ELN: variants seen among roughly 807,000 people sequenced by gnomAD.
ELN encodes the protein elastin, also known as tropoelastin.
Under a neutral mutation model 105.8 loss-of-function variants are expected in ELN, and 65 were observed. The observed-to-expected ratio is 0.61, with a 90% CI of 0.50 to 0.75. ELN has a LOEUF of 0.75. ELN is among the 30% of genes least tolerant of loss of function. The pLI, the probability that ELN is intolerant of heterozygous loss-of-function variation, is 0.00. For synonymous variants in ELN, 368 were observed against 389.2 expected (o/e 0.95, Z 0.64); for missense variants, 882 against 969.4 (o/e 0.91, Z 1.20).
chr7:74,056,923 C>G (rs782421536), intron 21 of ELN, among the ~76,000 whole-genome samples: 37 of 151,480 alleles, frequency 2.4e-4, no homozygotes, highest in Non-Finnish European at 4.3e-4. Context: ...TGGCTCATCA[C>G]CCCACCCCCC....
Position 74,028,358 on chromosome 7 carries a change from G to A in ELN, c.82+89G>A, listed in dbSNP as rs554432246. On this transcript the variant is annotated intron_variant, in intron 1 of 32. Transcript: ENST00000252034. Reference sequence around the variant, plus strand: ...CTAGACGCTCAAGGGGGAGACCTTCGTCCCTGGGAACTGCAAGGGGTCCCA... The same window carrying A: ...CTAGACGCTCAAGGGGGAGACCTTCATCCCTGGGAACTGCAAGGGGTCCCA... 51 of 1,457,672 alleles carry A rather than the reference G, an allele frequency of 3.5e-5. No homozygotes were observed. The African/African-American group carries it at 5.7e-4, about 16-fold the overall frequency. The allele number at this position is 1,457,672 out of a possible 1,614,324, so 90.3% of individuals were successfully genotyped here.
intron 22 of ELN, among the ~76,000 whole-genome samples, 156 bp downstream of exon 22, chr7:74,057,852 G>A (rs1554681349): frequency 6.6e-6 from 1 of 152,138 alleles, no homozygotes; most frequent in Non-Finnish European, 1.5e-5. Context: ...GCCCACTGAT[G>A]AATGACCTCT....
At chr7:74,049,963 T>C (rs1583837736) in intron 15 of ELN, among the ~76,000 whole-genome samples, 1 of 140,790 alleles carries the variant, frequency 7.1e-6, no homozygotes, top group Admixed American at 7.1e-5. Context: ...CCATCGATTC[T>C]TCCATCCATC....
At chr7:74,067,933 C>CAAAA (rs782107951) in intron 32 of ELN, among the ~76,000 whole-genome samples, 300 of 19,882 alleles carry the variant, frequency 0.015, 25 homozygotes, top group African/African-American at 0.037. Context: ...GATTGCGTCT[C>CAAAA]AAAAAAAAAA....
At chr7:74,037,254 C>T (rs189828056) in intron 3 of ELN, among the ~76,000 whole-genome samples, 10 of 151,456 alleles carry the variant, frequency 6.6e-5, no homozygotes, top group Admixed American at 1.3e-4. Flanking sequence ...AGTGCAGTGG[C>T]GCGATCTCAG....
rs1241961440 is a variant in ELN, at chr7:74,066,566, C to CA, written c.2087-159dup. Among the ~76,000 whole-genome samples, 4 of 151,692 alleles carry CA rather than the reference C, an allele frequency of 2.6e-5. No individual in the cohort carries two copies. In the East Asian group the frequency reaches 5.8e-4, roughly 22 times the overall value. On this transcript the variant is annotated intron_variant, in intron 31 of 32. Transcript: ENST00000252034. ...TGGGTGACAGAGCAAGACCCCATCT[C>CA]AAAAAAATAATAATAAAATAAAATA...
chr7:74,051,470 C>T (rs1794012540), intron 15 of ELN, among the ~76,000 whole-genome samples: 1 of 152,178 alleles, frequency 6.6e-6, no homozygotes, highest in Admixed American at 6.5e-5. Flanking sequence ...GCCCAGGGAG[C>T]GGCCACTTGT....
At chr7:74,053,699 G>A (rs1794622120) in intron 18 of ELN, among the ~76,000 whole-genome samples, 1 of 151,618 alleles carries the variant, frequency 6.6e-6, no homozygotes. Flanking sequence ...TAGATGGGTG[G>A]GTGGATGGAT....
chr7:74,046,351 G>T (rs1326573126), intron 11 of ELN, 134 bp downstream of exon 11: 5 of 1,305,408 alleles, frequency 3.8e-6, no homozygotes, highest in Non-Finnish European at 5.4e-6. Flanking sequence ...GTCTTGCAGT[G>T]GCTGTAGCAC....
intron 4 of ELN, among the ~76,000 whole-genome samples, chr7:74,039,173 A>G (rs782277485): frequency 3.0e-4 from 46 of 152,360 alleles, no homozygotes; most frequent in Non-Finnish European, 5.7e-4. Flanking sequence ...ACCAGAGGAA[A>G]GACAGACAAC....
At chr7:74,066,695 C>G in intron 31 of ELN, 37 bp from the exon 32 acceptor site, 2 of 1,612,618 alleles carry the variant, frequency 1.2e-6, no homozygotes, top group Non-Finnish European at 1.7e-6. Flanking sequence ...TCAGTTTCCA[C>G]CCCTACCAAC....
At chr7:74,051,089 G>T (rs1793925008) in intron 15 of ELN, among the ~76,000 whole-genome samples, 1 of 152,212 alleles carries the variant, frequency 6.6e-6, no homozygotes, top group Non-Finnish European at 1.5e-5. Context: ...CCCGTGCAGT[G>T]GGTGGAGTGG....
At chr7:74,033,384 A>G (rs1245879040) in intron 1 of ELN, among the ~76,000 whole-genome samples, 1 of 152,262 alleles carries the variant, frequency 6.6e-6, no homozygotes, top group Non-Finnish European at 1.5e-5. Context: ...AGAAAGACGC[A>G]TAAGAGACTG....
intron 1 of ELN, among the ~76,000 whole-genome samples, chr7:74,030,330 G>A (rs939358254): frequency 6.6e-6 from 1 of 152,160 alleles, no homozygotes; most frequent in African/African-American, 2.4e-5. Flanking sequence ...GCGGCTCCAA[G>A]GAAGGAACCC....
intron 22 of ELN, among the ~76,000 whole-genome samples, chr7:74,058,039 C>T (rs1795709599): frequency 6.6e-6 from 1 of 151,792 alleles, no homozygotes; most frequent in Non-Finnish European, 1.5e-5. Context: ...TCTCCTTCTT[C>T]TTCTTGTGCT....
intron 10 of ELN, 138 bp downstream of exon 10, chr7:74,045,431 C>T: frequency 1.0e-6 from 1 of 967,792 alleles, no homozygotes; most frequent in South Asian, 1.4e-5. Context: ...CCCTGGGCAG[C>T]CTGGTGCTGA....
chr7:74,058,419 A>G (rs1583938103), intron 22 of ELN, among the ~76,000 whole-genome samples: 1 of 151,682 alleles, frequency 6.6e-6, no homozygotes, highest in Non-Finnish European at 1.5e-5. Flanking sequence ...CAGTGCCACA[A>G]TCATAGCTCA....
At chr7:74,055,723 A>G (rs1795084812) in intron 19 of ELN, among the ~76,000 whole-genome samples, 1 of 151,676 alleles carries the variant, frequency 6.6e-6, no homozygotes, top group Non-Finnish European at 1.5e-5. Context: ...CAAATGATCC[A>G]CCTGCCTCGT....
chr7:74,064,820 G>T (rs544395611), intron 29 of ELN, among the ~76,000 whole-genome samples: 1 of 152,296 alleles, frequency 6.6e-6, no homozygotes, highest in South Asian at 2.1e-4. Flanking sequence ...TCTCCACCAT[G>T]GTGGCCGACC....
Sources: allele counts gnomAD v4.1 joint callset (sites outside exome capture counted in the v4.1 genomes callset), GRCh38; gene constraint gnomAD v4.1.1; transcripts MANE v1.5; gene names NCBI Gene and HGNC (gene_info 2026-07-23, HGNC 2026-07-21).